The following DOT1L variants were observed in gnomAD, a reference collection of about 807,000 sequenced individuals.
DOT1L encodes histone-lysine N-methyltransferase, H3 lysine-79 specific.
DOT1L carries 33 observed loss-of-function variants against 153.3 expected under a neutral mutation model. That is an observed-to-expected ratio of 0.22 (90% CI 0.16 to 0.29). DOT1L has a LOEUF of 0.29. Among genes scored for constraint, DOT1L ranks in the 10% least tolerant of loss-of-function variants. The probability of loss-of-function intolerance (pLI) is 1.00; values close to 1 mark genes in which losing one functional copy is unlikely to be tolerated. For synonymous variants in DOT1L, 1,135 were observed against 965.1 expected (o/e 1.18, Z -3.26); for missense variants, 1,847 against 2,119.9 (o/e 0.87, Z 2.53).
chr19:2,182,924 G>A (rs1477269478), intron 2 of DOT1L, among the ~76,000 whole-genome samples: 1 of 152,144 alleles, frequency 6.6e-6, no homozygotes, highest in East Asian at 1.9e-4. Context: ...TAGGGAGCAG[G>A]GTCCAGGCAC....
intron 9 of DOT1L, among the ~76,000 whole-genome samples, chr19:2,206,200 C>T (rs1172825535): frequency 6.6e-6 from 1 of 151,910 alleles, no homozygotes; most frequent in East Asian, 1.9e-4. Context: ...CGGTTTTACC[C>T]TGTTAGCCAG....
chr19:2,193,628 C>G lies in DOT1L; in HGVS notation c.494-61C>G. On this transcript the variant is annotated intron_variant, in intron 5 of 27. Transcript: ENST00000398665. This position sits in a 1 kb window ranked among gnomAD's most constrained non-coding sequence, Gnocchi z 5.9. Reference sequence around the variant, plus strand: ...TTGTGGCCTCTGTCTCCGAGCCTAGCACGGCCTCCCGGGTGGCATCTGAGC... The same window carrying G: ...TTGTGGCCTCTGTCTCCGAGCCTAGGACGGCCTCCCGGGTGGCATCTGAGC... The G allele has an allele frequency of 6.5e-7, 1 of 1,548,074 alleles. No homozygotes were observed. Among genetic ancestry groups the G allele is most frequent in the Non-Finnish European group, 8.9e-7 (1 of 1,125,144 alleles).
chr19:2,202,785 G>A lies in DOT1L; in HGVS notation c.787+6G>A, dbSNP rs781687828. On this transcript the variant is annotated splice_donor_region_variant and intron_variant, in intron 9 of 27. Transcript: ENST00000398665. ...GTTTGCAAACATGAAGGAAGGTAAGGCGCCCTCCTCGCCGGTCTGTGCTGG... is the reference window on the plus strand; with the variant it reads ...GTTTGCAAACATGAAGGAAGGTAAGACGCCCTCCTCGCCGGTCTGTGCTGG... The A allele has an allele frequency of 1.9e-6, 3 of 1,614,220 alleles. No homozygotes were observed. The highest frequency in any genetic ancestry group is 1.7e-6 in the Non-Finnish European group (2 of 1,180,026).
chr19:2,211,678 A>G (rs1367990078), intron 15 of DOT1L, 73 bp from the exon 16 acceptor site: 7 of 1,357,200 alleles, frequency 5.2e-6, no homozygotes, highest in Non-Finnish European at 3.0e-6. Flanking sequence ...ACTCGTTCTC[A>G]AGGGCTGCTC....
rs796891862 is a variant in DOT1L, at chr19:2,214,225, C to T, written c.1797+239C>T. 111 of 875,616 alleles carry T rather than the reference C, an allele frequency of 1.3e-4. No individual in the cohort carries two copies. The African/African-American group carries it at 1.4e-3, about 11-fold the overall frequency. 54.2% of individuals were successfully genotyped at this position (875,616 alleles called of 1,614,324 possible). A position where few individuals can be genotyped will look rare whatever the true frequency, so the allele number is the denominator to read the frequency against. ...TCATGGAGCCACACTCTGGCAGGCTCGAGGTGTGGGGTCATGCGAGCATCC... is the reference window on the plus strand; with the variant it reads ...TCATGGAGCCACACTCTGGCAGGCTTGAGGTGTGGGGTCATGCGAGCATCC... On this transcript the variant is annotated intron_variant, in intron 18 of 27. Coordinates refer to ENST00000398665, the MANE Select transcript of DOT1L (RefSeq NM_032482.3).
At chr19:2,164,435 G>T in intron 1 of DOT1L, 170 bp downstream of exon 1, 1 of 427,786 alleles carries the variant, frequency 2.3e-6, no homozygotes, top group Non-Finnish European at 3.7e-6. Context: ...AGGGCCCCGC[G>T]GCTGTTTCCC....
chr19:2,207,155 CT>C lies in DOT1L; in HGVS notation c.856+359del, dbSNP rs892397678. 6.6e-6 allele frequency among the ~76,000 whole-genome samples: 1 copy of C among 152,210 alleles called. No individual in the cohort carries two copies. Among genetic ancestry groups the C allele is most frequent in the Admixed American group, 6.5e-5 (1 of 15,290 alleles). The stretch of plus-strand genomic sequence containing the variant: ...AAGGAGCCGGCCCCTCCCATGCCCC[CT>C]GCCTGCCTTACTGTGCTGCGTGCTC... On this transcript the variant is annotated intron_variant, in intron 10 of 27. Coordinates refer to ENST00000398665, the MANE Select transcript of DOT1L (RefSeq NM_032482.3). This position sits in a 1 kb window ranked among gnomAD's most constrained non-coding sequence, Gnocchi z 4.5.
rs1167463495 is a variant in DOT1L at position 2,231,110 on chromosome 19, G to A, written c.*1318G>A. 4.3e-6 allele frequency: 1 copy of A among 230,210 alleles called. No homozygotes were observed. Among genetic ancestry groups the A allele is most frequent in the Non-Finnish European group, 8.6e-6 (1 of 116,272 alleles). The allele number at this position is 230,210 out of a possible 1,614,324, so 14.3% of individuals were successfully genotyped here. A position where few individuals can be genotyped will look rare whatever the true frequency, so the allele number is the denominator to read the frequency against. ...CAGGCAGGGCCACTCCAGTGCTTCT[G>A]GAGCCCTGAGCAGTCAGGGCCTGGG... On this transcript the variant is annotated 3_prime_UTR_variant, in exon 28 of 28. Transcript: ENST00000398665.
chr19:2,229,938 G>T lies in DOT1L; in HGVS notation c.*146G>T. The stretch of plus-strand genomic sequence containing the variant: ...GAGCTCCACTGTGAATCGGCGGCAC[G>T]CGCCGCAGGAGGCTGGGACTGGTCC... On this transcript the variant is annotated 3_prime_UTR_variant, in exon 28 of 28. Transcript: ENST00000398665. 1 of 1,407,216 alleles carries T rather than the reference G, an allele frequency of 7.1e-7. No homozygotes were observed. Among genetic ancestry groups the T allele is most frequent in the Non-Finnish European group, 9.9e-7 (1 of 1,008,762 alleles). The allele number at this position is 1,407,216 out of a possible 1,614,324, so 87.2% of individuals were successfully genotyped here.
At chr19:2,189,691 C>T (rs769051965) in intron 3 of DOT1L, 41 bp from the exon 4 acceptor site, 1 of 1,603,990 alleles carries the variant, frequency 6.2e-7, no homozygotes, top group East Asian at 2.2e-5. Context: ...ATGCGGCTGG[C>T]TCCTGCCCGC....
Position 2,208,590 on chromosome 19 carries a change from G to T in DOT1L, c.964-345G>T, listed in dbSNP as rs914531663. On this transcript the variant is annotated intron_variant, in intron 11 of 27. Transcript: ENST00000398665. The surrounding 1 kb of genome is among the most constrained non-coding windows in gnomAD (Gnocchi z 4.4). ...CCCTGGCACTGACGCCCTCGGCGCA[G>T]CCTCTCGCCTTCTCCTCTGAGGCGG... 2.0e-5 allele frequency among the ~76,000 whole-genome samples: 3 copies of T among 152,192 alleles called. No homozygotes were observed. Among genetic ancestry groups the T allele is most frequent in the African/African-American group, 7.2e-5 (3 of 41,440 alleles).
At chr19:2,186,829 C>T (rs1311774401) in intron 3 of DOT1L, among the ~76,000 whole-genome samples, 2 of 152,256 alleles carry the variant, frequency 1.3e-5, no homozygotes, top group African/African-American at 4.8e-5. Flanking sequence ...ATGTCGGGGC[C>T]TCTCGCCACC....
intron 26 of DOT1L, 86 bp from the exon 27 acceptor site, chr19:2,226,097 G>A (rs558448035): frequency 5.7e-6 from 8 of 1,410,300 alleles, no homozygotes; most frequent in East Asian, 5.0e-5. Flanking sequence ...AGAGTTGCCC[G>A]GGCCGTGGCA....
chr19:2,226,528 C>G lies in DOT1L; in HGVS notation c.4007C>G (p.Ser1336Cys), dbSNP rs760898069. 3 of 1,600,702 alleles carry G rather than the reference C, an allele frequency of 1.9e-6. No individual in the cohort carries two copies. The highest frequency in any genetic ancestry group is 2.5e-6 in the Non-Finnish European group (3 of 1,179,662). The change falls in exon 27 of 28, where the codon TCT becomes TGT. Residue 1336 changes from serine to cysteine, a missense_variant. Physicochemically the swap from Ser to Cys is moderately radical, Grantham distance 112. Transcript: ENST00000398665. ...LSLHSFSDGA[S>C]LPHKGPEAAG... is the part of the protein sequence containing the mutation. ...TTACACAGCTTCAGTGATGGTGCTT[C>G]TCTTCCCCACAAGGGCCCCGAGGCG...
chr19:2,173,837 T>C (rs11882273), intron 1 of DOT1L, among the ~76,000 whole-genome samples: 70,513 of 152,134 alleles, frequency 0.46, 16,456 homozygotes, highest in Non-Finnish European at 0.47. Flanking sequence ...CCTGGTGAGC[T>C]GAGCTTCCTC....
At chr19:2,177,084 T>A (rs935767427) in intron 1 of DOT1L, among the ~76,000 whole-genome samples, 1 of 152,074 alleles carries the variant, frequency 6.6e-6, no homozygotes, top group African/African-American at 2.4e-5. Flanking sequence ...CCCTGCAACA[T>A]CCCGCAGCAG....
Position 2,226,630 on chromosome 19 carries a change from A to G in DOT1L, c.4109A>G (p.Lys1370Arg), listed in dbSNP as rs2024343021. 1.9e-6 allele frequency: 3 copies of G among 1,593,616 alleles called. No homozygotes were observed. The highest frequency in any genetic ancestry group is 2.6e-6 in the Non-Finnish European group (3 of 1,174,180). ...EGSDANPFLS[K>R]RQLDGLAGLK... ...TCGGACGCCAACCCTTTCCTGAGCA[A>G]GAGGCAGCTGGACGGCCTGGCTGGG... Residue 1370 changes from lysine to arginine, a missense_variant, in exon 27 of 28, where the codon AAG (lysine) becomes AGG (arginine). Physicochemically the swap from Lys to Arg is conservative, Grantham distance 26. Transcript: ENST00000398665.
In DOT1L at chr19:2,213,960, G is replaced by A. The variant is rs776577348; in HGVS notation, c.1771G>A (p.Ala591Thr). 26 of 1,612,680 alleles carry A rather than the reference G, an allele frequency of 1.6e-5. No homozygotes were observed. In the East Asian group the frequency reaches 2.9e-4, roughly 18 times the overall value. ...GGAGCAGCTGGAGCAGGACAACCGC[G>A]CGCTCCGCGGCCAGAGCTTGCAGCT... ...QSEQLEQDNR[A>T]LRGQSLQLLK... Residue 591 changes from alanine to threonine, a missense_variant, in exon 18 of 28, where the codon GCG (alanine) becomes ACG (threonine). Transcript: ENST00000398665.
chr19:2,229,843 G>A lies in DOT1L; in HGVS notation c.*51G>A, dbSNP rs569777758. On this transcript the variant is annotated 3_prime_UTR_variant, in exon 28 of 28. Coordinates refer to ENST00000398665, the MANE Select transcript of DOT1L (RefSeq NM_032482.3). ...ATGCAAGGACGGTGTGGACCAACTC[G>A]CGCCCGCGGCATGGTGCCCGCCGGC... 14 of 1,612,146 alleles carry A rather than the reference G, an allele frequency of 8.7e-6. No homozygotes were observed. The highest frequency in any genetic ancestry group is 2.2e-5 in the South Asian group (2 of 90,960).
Sources: allele counts gnomAD v4.1 joint callset (sites outside exome capture counted in the v4.1 genomes callset), GRCh38; gene constraint gnomAD v4.1.1; non-coding constraint Gnocchi (gnomAD v3.1); transcripts MANE v1.5; gene names NCBI Gene and HGNC (gene_info 2026-07-23, HGNC 2026-07-21).